LRRC4C: variants seen among roughly 807,000 people sequenced by gnomAD.
LRRC4C encodes leucine-rich repeat-containing protein 4C.
Under a neutral mutation model 33.6 loss-of-function variants are expected in LRRC4C, and 5 were observed. That is an observed-to-expected ratio of 0.15 (90% confidence interval 0.08 to 0.31). LRRC4C has a LOEUF of 0.31. Ranked by LOEUF, LRRC4C falls within the 10% of genes least tolerant of loss-of-function variation. The pLI is 1.00. For synonymous variants in LRRC4C, 329 were observed against 302.0 expected (o/e 1.09, Z -0.93); for missense variants, 560 against 796.7 (o/e 0.70, Z 3.58).
intron 3 of LRRC4C, among the ~76,000 whole-genome samples, chr11:40,322,391 A>G (rs1344313762): frequency 6.6e-6 from 1 of 151,974 alleles, no homozygotes; most frequent in East Asian, 1.9e-4. Context: ...GATTACACAC[A>G]TGTGCCACCA....
intron 4 of LRRC4C, among the ~76,000 whole-genome samples, chr11:40,262,017 A>G (rs1941881075): frequency 6.6e-6 from 1 of 152,226 alleles, no homozygotes; most frequent in Non-Finnish European, 1.5e-5. Context: ...GCACAGCAAA[A>G]GAAACTATCA....
intron 1 of LRRC4C, among the ~76,000 whole-genome samples, chr11:41,175,131 C>A (rs1945143037): frequency 1.3e-5 from 2 of 152,020 alleles, no homozygotes; most frequent in South Asian, 4.2e-4. Flanking sequence ...AGCCACTATT[C>A]TCCCATCTGA....
chr11:40,399,954 T>C, intron 3 of LRRC4C, among the ~76,000 whole-genome samples: 1 of 151,996 alleles, frequency 6.6e-6, no homozygotes, highest in Non-Finnish European at 1.5e-5. Flanking sequence ...TTTTAAAAAA[T>C]AACTACAAAG....
At position 41,414,083 on chromosome 11, in the gene LRRC4C, T is replaced by A. The variant is rs141913244; in HGVS notation, c.-496+45348A>T. 7.3e-3 allele frequency among the ~76,000 whole-genome samples: 1,108 copies of A among 152,284 alleles called. 7 individuals are homozygous for A. The highest frequency in any genetic ancestry group is 0.01 in the Non-Finnish European group (695 of 68,006). On this transcript the variant is annotated intron_variant, in intron 1 of 6. Coordinates refer to ENST00000528697, the MANE Select transcript of LRRC4C (RefSeq NM_001258419.2). ...TGCTCATTTTCTCTGACTTGCTACA[T>A]TCTCACCTGTAAAAGCAGCCTGAGG...
chr11:40,360,538 C>T (rs188414535), intron 3 of LRRC4C, among the ~76,000 whole-genome samples: 26 of 152,268 alleles, frequency 1.7e-4, no homozygotes, highest in Non-Finnish European at 3.1e-4. Context: ...CTCAGAGGGT[C>T]TTGCCTCAAT....
In LRRC4C at chr11:40,579,222, G is replaced by A. The variant is rs1432754959; in HGVS notation, c.-270+68920C>T. ...ATGATGGCATGTGCCTGTGGTTCCA[G>A]CTACTCAAGAGGCAGAGGCACAAGA... is the stretch of plus-strand genomic sequence containing the variant. On this transcript the variant is annotated intron_variant, in intron 3 of 6. Transcript: ENST00000528697. Among the ~76,000 whole-genome samples, 3 of 151,978 alleles carry A rather than the reference G, an allele frequency of 2.0e-5. No homozygotes were observed. In the South Asian group the frequency reaches 6.2e-4, roughly 31 times the overall value.
At chr11:40,331,283 C>T (rs1452412008) in intron 3 of LRRC4C, among the ~76,000 whole-genome samples, 1 of 152,154 alleles carries the variant, frequency 6.6e-6, no homozygotes, top group East Asian at 1.9e-4. Context: ...ACTTGGTATA[C>T]ATCCAAAGCT....
At chr11:41,141,405 A>G (rs1250142046) in intron 1 of LRRC4C, among the ~76,000 whole-genome samples, 1 of 152,202 alleles carries the variant, frequency 6.6e-6, no homozygotes, top group Non-Finnish European at 1.5e-5. Context: ...CTCATTAAAA[A>G]GTTTGAAAAG....
intron 1 of LRRC4C, among the ~76,000 whole-genome samples, chr11:41,452,376 A>G (rs1188853521): frequency 6.6e-6 from 1 of 152,136 alleles, no homozygotes; most frequent in Non-Finnish European, 1.5e-5. Flanking sequence ...AGGAACAGCT[A>G]GAACATCAAA....
intron 1 of LRRC4C, among the ~76,000 whole-genome samples, chr11:40,989,539 G>C (rs556310565): frequency 1.2e-4 from 18 of 152,240 alleles, no homozygotes; most frequent in African/African-American, 4.1e-4. Flanking sequence ...AAAACAGTAA[G>C]AGTATGTCAC....
chr11:41,137,079 C>A (rs1565416935), intron 1 of LRRC4C, among the ~76,000 whole-genome samples: 1 of 151,978 alleles, frequency 6.6e-6, no homozygotes, highest in Non-Finnish European at 1.5e-5. Context: ...GAAACCCTGA[C>A]CCTAGTAAAA....
chr11:40,440,816 AG>A (rs1227772475), intron 3 of LRRC4C, among the ~76,000 whole-genome samples: 1 of 152,048 alleles, frequency 6.6e-6, no homozygotes, highest in African/African-American at 2.4e-5. Flanking sequence ...ACCAGGCTGA[AG>A]GGAGTCCGCT....
rs547327149 is a variant in LRRC4C, at chr11:40,991,024, T to G, written c.-495-57301A>C. On this transcript the variant is annotated intron_variant, in intron 1 of 6. Transcript: ENST00000528697. The stretch of plus-strand genomic sequence containing the variant: ...TCATTGATATAGCAACTATGGTTTT[T>G]CAGAAATGGCTACCAACAGTCATTT... 1.5e-3 allele frequency among the ~76,000 whole-genome samples: 221 copies of G among 151,028 alleles called. 2 individuals carry two copies. The highest frequency in any genetic ancestry group is 5.3e-3 in the African/African-American group (217 of 41,152).
rs73477439 is a variant in LRRC4C, at chr11:41,147,767, T to C, written c.-495-214044A>G. Among the ~76,000 whole-genome samples the C allele has an allele frequency of 3.4e-3, 519 of 152,214 alleles. 6 individuals are homozygous for C. The highest frequency in any genetic ancestry group is 0.012 in the African/African-American group (495 of 41,530). ...AATCAGACATTTATCAAAGAAGATA[T>C]GCAGATAGCAAATAAAGCCATAAAA... is the stretch of plus-strand genomic sequence containing the variant. On this transcript the variant is annotated intron_variant, in intron 1 of 6. Transcript: ENST00000528697.
chr11:41,333,299 C>A (rs904444168), intron 1 of LRRC4C, among the ~76,000 whole-genome samples: 1 of 152,102 alleles, frequency 6.6e-6, no homozygotes, highest in African/African-American at 2.4e-5. Context: ...CTTTTTCTCC[C>A]TTAATCATAC....
chr11:40,809,984 T>A (rs1415422082), intron 2 of LRRC4C, among the ~76,000 whole-genome samples: 1 of 152,194 alleles, frequency 6.6e-6, no homozygotes, highest in Non-Finnish European at 1.5e-5. Flanking sequence ...CTTTCTTTAC[T>A]CCACATCCTT....
chr11:40,750,495 T>G (rs1316840657), intron 2 of LRRC4C, among the ~76,000 whole-genome samples: 1 of 151,918 alleles, frequency 6.6e-6, no homozygotes, highest in Non-Finnish European at 1.5e-5. Context: ...TGAGTTCATG[T>G]CCTTTGTAGG....
At chr11:41,160,911 A>G (rs911488025) in intron 1 of LRRC4C, among the ~76,000 whole-genome samples, 1 of 152,180 alleles carries the variant, frequency 6.6e-6, no homozygotes, top group African/African-American at 2.4e-5. Flanking sequence ...TTTCAGAAAG[A>G]ATCAACACAA....
chr11:40,488,641 C>T (rs1038715225), intron 3 of LRRC4C, among the ~76,000 whole-genome samples: 2 of 152,022 alleles, frequency 1.3e-5, no homozygotes, highest in African/African-American at 4.8e-5. Flanking sequence ...CAGCTAGATC[C>T]TCCGTGTGTT....
Sources: allele counts gnomAD v4.1 joint callset (sites outside exome capture counted in the v4.1 genomes callset), GRCh38; gene constraint gnomAD v4.1.1; transcripts MANE v1.5; gene names NCBI Gene and HGNC (gene_info 2026-07-23, HGNC 2026-07-21).